The following DIAPH2 variants were observed in gnomAD, a reference collection of about 807,000 sequenced individuals.
DIAPH2 encodes protein diaphanous homolog 2.
In DIAPH2, 35 loss-of-function variants were observed where a neutral mutation model predicts 92.7. The observed-to-expected ratio is 0.38, with a 90% CI of 0.29 to 0.50. The LOEUF is 0.50. Ranked by LOEUF, DIAPH2 falls within the 20% of genes least tolerant of loss-of-function variation. The pLI is 0.94. For synonymous variants in DIAPH2, 301 were observed against 280.4 expected (o/e 1.07, Z -0.73); for missense variants, 701 against 819.5 (o/e 0.86, Z 1.77).
intron 22 of DIAPH2, among the ~76,000 whole-genome samples, chrX:97,147,312 T>C (rs1298483384): frequency 3.9e-5 from 3 of 77,678 alleles, no homozygotes; most frequent in African/African-American, 8.1e-5. Context: ...CTTTAAAACA[T>C]TGAATTTTTT....
chrX:97,348,544 G>T (rs1192493400), intron 24 of DIAPH2, among the ~76,000 whole-genome samples: 1 of 111,954 alleles, frequency 8.9e-6, no homozygotes, highest in East Asian at 2.8e-4. Context: ...TATAGGAAAT[G>T]AATGAATTGG....
At chrX:97,276,050 A>G (rs991194260) in intron 23 of DIAPH2, among the ~76,000 whole-genome samples, 2 of 112,981 alleles carry the variant, frequency 1.8e-5, no homozygotes, top group Middle Eastern at 4.6e-3. Context: ...CGAGGCTGGC[A>G]GATCACTCGC....
intron 26 of DIAPH2, among the ~76,000 whole-genome samples, chrX:97,554,459 C>G (rs752246773): frequency 8.9e-6 from 1 of 112,280 alleles, no homozygotes; most frequent in South Asian, 3.7e-4. Flanking sequence ...TCAGCAGCAT[C>G]TGCTATAAGC....
At chrX:97,356,093 G>T (rs185199581) in intron 24 of DIAPH2, among the ~76,000 whole-genome samples, 18 of 111,620 alleles carry the variant, frequency 1.6e-4, no homozygotes, top group African/African-American at 5.5e-4. Context: ...TACCATTGTG[G>T]TATTATGTTC....
chrX:96,766,507 T>A (rs1478117498), intron 4 of DIAPH2, among the ~76,000 whole-genome samples: 1 of 111,250 alleles, frequency 9.0e-6, no homozygotes, highest in Non-Finnish European at 1.9e-5. Flanking sequence ...GAAAACAATA[T>A]GTAAGATCAC....
intron 1 of DIAPH2, among the ~76,000 whole-genome samples, chrX:96,713,505 C>T (rs775221264): frequency 9.0e-6 from 1 of 111,547 alleles, no homozygotes; most frequent in Non-Finnish European, 1.9e-5. Context: ...ATCATTCACC[C>T]AGAGTCCATA....
intron 22 of DIAPH2, among the ~76,000 whole-genome samples, chrX:97,229,013 C>T (rs189444308): frequency 9.3e-4 from 104 of 111,637 alleles, no homozygotes; most frequent in Non-Finnish European, 1.5e-3. Flanking sequence ...GGCACAGGTG[C>T]ACTTTTAATT....
At chrX:96,849,988 A>G (rs1194165306) in intron 4 of DIAPH2, among the ~76,000 whole-genome samples, 2 of 110,472 alleles carry the variant, frequency 1.8e-5, no homozygotes, top group East Asian at 2.8e-4. Context: ...CACCAAAGGG[A>G]TTCATATATG....
In DIAPH2 at chrX:97,518,962, G is replaced by C. The variant is rs2070971337; in HGVS notation, c.3242-80291G>C. ...TGACTCATATCTCAAAGGCAATTTTGGATTTAAAATGGTTTTCCAAATCTA... is the reference window on the plus strand; with the variant it reads ...TGACTCATATCTCAAAGGCAATTTTCGATTTAAAATGGTTTTCCAAATCTA... On this transcript the variant is annotated intron_variant, in intron 26 of 26. Transcript: ENST00000324765. Among the ~76,000 whole-genome samples the C allele has an allele frequency of 2.7e-5, 3 of 111,578 alleles. No homozygotes were observed. The South Asian group carries it at 1.1e-3, about 42-fold the overall frequency.
At chrX:96,858,691 A>G (rs2065054864) in intron 4 of DIAPH2, among the ~76,000 whole-genome samples, 1 of 112,184 alleles carries the variant, frequency 8.9e-6, no homozygotes, top group African/African-American at 3.2e-5. Flanking sequence ...GACTTAGGAC[A>G]GGAAAGATAA....
chrX:97,311,973 G>T (rs748819148), intron 23 of DIAPH2, among the ~76,000 whole-genome samples: 2 of 110,010 alleles, frequency 1.8e-5, no homozygotes, highest in African/African-American at 6.6e-5. Flanking sequence ...GACTACAGGC[G>T]CCCGCCACCA....
At chrX:97,328,487 TA>T (rs2068970381) in intron 23 of DIAPH2, among the ~76,000 whole-genome samples, 1 of 111,300 alleles carries the variant, frequency 9.0e-6, no homozygotes, top group Admixed American at 9.6e-5. Flanking sequence ...CTCCTTAAAT[TA>T]TAAGTCATTT....
chrX:96,764,188 A>G (rs1167802923), intron 4 of DIAPH2, among the ~76,000 whole-genome samples: 1 of 111,386 alleles, frequency 9.0e-6, no homozygotes, highest in African/African-American at 3.3e-5. Flanking sequence ...ATGTAATAGG[A>G]ATTCATAAGT....
At chrX:96,693,257 T>G (rs1006768484) in intron 1 of DIAPH2, among the ~76,000 whole-genome samples, 12 of 112,417 alleles carry the variant, frequency 1.1e-4, no homozygotes, top group African/African-American at 3.9e-4. Flanking sequence ...ACTTCTAGAC[T>G]GACCATTTAC....
At chrX:96,954,402 A>G (rs2065796447) in intron 15 of DIAPH2, among the ~76,000 whole-genome samples, 1 of 112,373 alleles carries the variant, frequency 8.9e-6, no homozygotes. Flanking sequence ...CATCTCTAAA[A>G]AGAACATGAT....
intron 10 of DIAPH2, 89 bp downstream of exon 10, chrX:96,930,932 T>C: frequency 1.0e-6 from 1 of 986,736 alleles, no homozygotes; most frequent in African/African-American, 2.0e-5. Flanking sequence ...TAAATAAATG[T>C]GCTTTGCTAT....
chrX:96,806,665 G>A (rs1799719), intron 4 of DIAPH2, among the ~76,000 whole-genome samples: 33,262 of 75,294 alleles, frequency 0.44, 7,302 homozygotes, highest in African/African-American at 0.74. Context: ...AAAAAAAAAA[G>A]AAACAAAGAA....
chrX:97,028,553 T>A (rs1006997711), intron 17 of DIAPH2, among the ~76,000 whole-genome samples: 1 of 112,386 alleles, frequency 8.9e-6, no homozygotes, highest in African/African-American at 3.2e-5. Context: ...TGGAATTACA[T>A]AATCTGTGTT....
chrX:97,092,754 A>G (rs949365046), intron 19 of DIAPH2, among the ~76,000 whole-genome samples: 5 of 111,940 alleles, frequency 4.5e-5, no homozygotes, highest in Non-Finnish European at 9.4e-5. Context: ...AAGCATCTGC[A>G]TGTACTATTT....
Sources: gnomAD v4.1 joint callset for allele counts (sites outside exome capture counted in the v4.1 genomes callset) on GRCh38, gnomAD v4.1.1 for gene constraint, MANE v1.5 for transcripts, NCBI Gene and HGNC (gene_info 2026-07-23, HGNC 2026-07-21) for gene names.